Variants in CTNNA1 observed in about 807,000 individuals in gnomAD.
CTNNA1 encodes catenin alpha 1, also known as catenin alpha-1.
CTNNA1 carries 37 observed loss-of-function variants against 98.4 expected under a neutral mutation model. That is an observed-to-expected ratio of 0.38 (90% CI 0.29 to 0.49). The LOEUF is 0.49. Ranked by LOEUF, CTNNA1 falls within the 20% of genes least tolerant of loss-of-function variation. The pLI, the probability that CTNNA1 is intolerant of heterozygous loss-of-function variation, is 0.95. For synonymous variants in CTNNA1, 404 were observed against 413.2 expected (o/e 0.98, Z 0.27); for missense variants, 761 against 1,147.2 (o/e 0.66, Z 4.86).
At chr5:138,866,713 G>A (rs948449204) in intron 7 of CTNNA1, among the ~76,000 whole-genome samples, 1 of 152,168 alleles carries the variant, frequency 6.6e-6, no homozygotes, top group Non-Finnish European at 1.5e-5. Context: ...ACTTGACTTT[G>A]GAGATTTCTT....
chr5:138,772,996 C>G (rs1753715751), intron 1 of CTNNA1, among the ~76,000 whole-genome samples: 1 of 152,148 alleles, frequency 6.6e-6, no homozygotes, highest in Admixed American at 6.6e-5. Context: ...AACCAAGGAT[C>G]CAGAAAGGTG....
At chr5:138,795,506 T>G (rs1756867847) in intron 3 of CTNNA1, among the ~76,000 whole-genome samples, 2 of 152,062 alleles carry the variant, frequency 1.3e-5, no homozygotes, top group Admixed American at 6.6e-5. Context: ...GTGAGATCCC[T>G]TAATCAAATC....
At chr5:138,796,853 T>C (rs1212840199) in intron 3 of CTNNA1, among the ~76,000 whole-genome samples, 1 of 152,240 alleles carries the variant, frequency 6.6e-6, no homozygotes, top group East Asian at 1.9e-4. Flanking sequence ...TTTTCTCTTT[T>C]GGATTTGGCA....
intron 17 of CTNNA1, among the ~76,000 whole-genome samples, chr5:138,933,327 G>C (rs2150354800): frequency 6.6e-6 from 1 of 152,228 alleles, no homozygotes; most frequent in East Asian, 1.9e-4. Context: ...GAGGTTTGCT[G>C]AGTGGATTGG....
intron 7 of CTNNA1, among the ~76,000 whole-genome samples, chr5:138,860,614 A>G (rs547426433): frequency 2.6e-5 from 4 of 151,960 alleles, no homozygotes; most frequent in South Asian, 2.1e-4. Context: ...TCCTGCCTCA[A>G]CCTCCTGAGT....
chr5:138,796,740 T>G (rs1483678618), intron 3 of CTNNA1, among the ~76,000 whole-genome samples: 2 of 152,194 alleles, frequency 1.3e-5, no homozygotes, highest in Non-Finnish European at 2.9e-5. Context: ...TTTAAGATAG[T>G]TGATGGTGTC....
intron 3 of CTNNA1, among the ~76,000 whole-genome samples, chr5:138,805,916 G>GT (rs1310955059): frequency 1.2e-4 from 18 of 151,814 alleles, no homozygotes; most frequent in African/African-American, 1.7e-4. Context: ...AAACTTACCT[G>GT]TTTTTTGTTC....
At chr5:138,811,789 A>G (rs1411320900) in intron 4 of CTNNA1, among the ~76,000 whole-genome samples, 1 of 152,172 alleles carries the variant, frequency 6.6e-6, no homozygotes, top group Non-Finnish European at 1.5e-5. Context: ...GTGGCAGCGC[A>G]CGCCTGCAAA....
rs780952128 is a variant in CTNNA1, at chr5:138,783,076, CAT to C, written c.106-100_106-99del. On this transcript the variant is annotated intron_variant, in intron 2 of 17. Coordinates refer to ENST00000302763, the MANE Select transcript of CTNNA1 (RefSeq NM_001903.5). ...TGTATGTTAATGTTCAGTGGAATCT[CAT>C]GTGATTTTTTAAAAGAATAACTTAA... 200 of 866,944 alleles carry C rather than the reference CAT, an allele frequency of 2.3e-4. 1 individual carries two copies. Among genetic ancestry groups the C allele is most frequent in the Middle Eastern group, 7.2e-4 (2 of 2,768 alleles). The allele number at this position is 866,944 out of a possible 1,614,324, so 53.7% of individuals were successfully genotyped here. A position where few individuals can be genotyped will look rare whatever the true frequency, so the allele number is the denominator to read the frequency against.
chr5:138,837,075 T>A (rs1761848309), intron 7 of CTNNA1, among the ~76,000 whole-genome samples: 1 of 152,202 alleles, frequency 6.6e-6, no homozygotes, highest in South Asian at 2.1e-4. Flanking sequence ...ATATGTTGAT[T>A]CGTCCTTTCG....
chr5:138,827,523 C>T lies in CTNNA1; in HGVS notation c.867C>T (p.Ile289=), dbSNP rs767757408. ...TAATACTTTCTCTGCAGAAACAAAT[C>T]ATTGTGGACCCCTTGAGCTTCAGCG... ...AYALNNFDKQ[I]IVDPLSFSEE... is the part of the protein sequence containing the mutation. The change falls in exon 7 of 18, where the codon ATC becomes ATT. Residue 289 remains isoleucine (I), a synonymous_variant. Coordinates refer to ENST00000302763, the MANE Select transcript of CTNNA1 (RefSeq NM_001903.5). 124 of 1,614,068 alleles carry T rather than the reference C, an allele frequency of 7.7e-5. No individual in the cohort carries two copies. Among genetic ancestry groups the T allele is most frequent in the Non-Finnish European group, 9.2e-5 (108 of 1,180,032 alleles).
intron 1 of CTNNA1, among the ~76,000 whole-genome samples, chr5:138,771,405 CAG>C (rs1413322410): frequency 1.3e-5 from 2 of 151,992 alleles, no homozygotes; most frequent in African/African-American, 4.8e-5. Flanking sequence ...ATTTTTGAAA[CAG>C]AATCTCCCCC....
chr5:138,899,126 AT>A (rs1250113367), intron 9 of CTNNA1, among the ~76,000 whole-genome samples: 1 of 152,124 alleles, frequency 6.6e-6, no homozygotes, highest in Non-Finnish European at 1.5e-5. Flanking sequence ...TCATTTGAGT[AT>A]TGCGTTATTA....
intron 16 of CTNNA1, chr5:138,932,029 A>G: frequency 2.0e-6 from 2 of 985,504 alleles, no homozygotes; most frequent in Non-Finnish European, 2.4e-6. Context: ...GACCATCCCC[A>G]ACTGCTTTTT....
chr5:138,796,514 A>C (rs1370544137), intron 3 of CTNNA1, among the ~76,000 whole-genome samples: 1 of 151,200 alleles, frequency 6.6e-6, no homozygotes, highest in East Asian at 2.0e-4. Flanking sequence ...ACTGCACTCC[A>C]GCCTGAGCGA....
chr5:138,832,104 G>A (rs1386317388), intron 7 of CTNNA1, among the ~76,000 whole-genome samples: 3 of 152,182 alleles, frequency 2.0e-5, no homozygotes, highest in African/African-American at 4.8e-5. Context: ...ATATCTTAGA[G>A]CAGAGTTAAA....
At chr5:138,779,368 C>A (rs1296931098) in intron 1 of CTNNA1, among the ~76,000 whole-genome samples, 1 of 152,172 alleles carries the variant, frequency 6.6e-6, no homozygotes, top group Non-Finnish European at 1.5e-5. Context: ...TAGTTACAGA[C>A]AGTTACAGTC....
intron 1 of CTNNA1, among the ~76,000 whole-genome samples, chr5:138,776,557 G>T (rs1754210969): frequency 1.3e-5 from 2 of 152,170 alleles, no homozygotes; most frequent in South Asian, 4.1e-4. Context: ...ATGAGCTGCT[G>T]GGCACACCTC....
At chr5:138,792,168 T>C (rs1756449457) in intron 3 of CTNNA1, among the ~76,000 whole-genome samples, 1 of 152,200 alleles carries the variant, frequency 6.6e-6, no homozygotes. Flanking sequence ...TTGAATAATT[T>C]GTATATAGGG....
Sources: allele counts gnomAD v4.1 joint callset (sites outside exome capture counted in the v4.1 genomes callset), GRCh38; gene constraint gnomAD v4.1.1; transcripts MANE v1.5; gene names NCBI Gene and HGNC (gene_info 2026-07-23, HGNC 2026-07-21).